Variants in TANC2 observed in about 807,000 individuals in gnomAD.
TANC2 encodes the protein tetratricopeptide repeat, ankyrin repeat and coiled-coil containing 2.
Under a neutral mutation model 210.5 loss-of-function variants are expected in TANC2, and 26 were observed. The observed-to-expected ratio is 0.12, with a 90% CI of 0.09 to 0.17. The LOEUF (loss-of-function observed/expected upper bound fraction) is 0.17. Ranked by LOEUF, TANC2 falls within the 10% of genes least tolerant of loss-of-function variation. The pLI is 1.00. For missense variants in TANC2, 2,129 were observed against 2,608.9 expected, an observed-to-expected ratio of 0.82 and a Z score of 4.01; for synonymous variants, 931 against 967.1, an observed-to-expected ratio of 0.96 and a Z score of 0.69.
At chr17:63,382,106 A>C (rs769117164) in intron 15 of TANC2, among the ~76,000 whole-genome samples, 7 of 152,184 alleles carry the variant, frequency 4.6e-5, no homozygotes, top group African/African-American at 7.2e-5. Context: ...CAAAGGGTCA[A>C]CTCCACTAAC....
At chr17:63,338,708 C>T (rs1038831354) in intron 11 of TANC2, among the ~76,000 whole-genome samples, 1 of 152,184 alleles carries the variant, frequency 6.6e-6, no homozygotes, top group African/African-American at 2.4e-5. Context: ...TTTTAAAATA[C>T]AACCTCTGAT....
At chr17:63,378,909 G>A (rs2047513858) in intron 14 of TANC2, among the ~76,000 whole-genome samples, 1 of 152,020 alleles carries the variant, frequency 6.6e-6, no homozygotes. Flanking sequence ...TTGAGTGTGA[G>A]GTACTGAGAC....
chr17:63,086,288 A>G (rs916023031), intron 3 of TANC2, among the ~76,000 whole-genome samples: 3 of 151,992 alleles, frequency 2.0e-5, no homozygotes, highest in Non-Finnish European at 4.4e-5. Flanking sequence ...ATTTGGGGAA[A>G]TCTTCAGTCA....
At chr17:63,101,221 A>G (rs1277146193) in intron 4 of TANC2, among the ~76,000 whole-genome samples, 3 of 152,176 alleles carry the variant, frequency 2.0e-5, no homozygotes, top group South Asian at 2.1e-4. Context: ...TTCTAATTAT[A>G]TCTTGTTATA....
chr17:63,310,777 G>T (rs1008521830), intron 9 of TANC2, among the ~76,000 whole-genome samples: 1 of 152,134 alleles, frequency 6.6e-6, no homozygotes, highest in African/African-American at 2.4e-5. Flanking sequence ...CAAAGATAAA[G>T]AATAATAATA....
intron 4 of TANC2, among the ~76,000 whole-genome samples, chr17:63,112,767 T>C (rs1057280358): frequency 6.6e-5 from 10 of 152,318 alleles, no homozygotes; most frequent in Non-Finnish European, 4.4e-5. Context: ...AATCCTAACA[T>C]GTGAAAAAGT....
intron 7 of TANC2, among the ~76,000 whole-genome samples, chr17:63,226,170 A>G (rs2042323697): frequency 6.6e-6 from 1 of 152,084 alleles, no homozygotes; most frequent in Admixed American, 6.5e-5. Context: ...ATTTTATTTC[A>G]TGCATTTAGA....
chr17:63,083,097 C>A (rs764393715), intron 3 of TANC2, among the ~76,000 whole-genome samples: 6 of 152,294 alleles, frequency 3.9e-5, no homozygotes, highest in Non-Finnish European at 8.8e-5. Context: ...GACAATCAGG[C>A]CCTGCTCAAA....
chr17:63,233,400 A>T (rs2042535081), intron 7 of TANC2, among the ~76,000 whole-genome samples: 1 of 152,120 alleles, frequency 6.6e-6, no homozygotes, highest in South Asian at 2.1e-4. Flanking sequence ...CCATGGAAAA[A>T]CCGTGGATCG....
chr17:62,996,206 C>G (rs1249090329), intron 1 of TANC2, among the ~76,000 whole-genome samples: 1 of 152,188 alleles, frequency 6.6e-6, no homozygotes, highest in Non-Finnish European at 1.5e-5. Flanking sequence ...GTATTCTCAT[C>G]ATTCACACTG....
intron 8 of TANC2, among the ~76,000 whole-genome samples, chr17:63,238,942 C>A (rs1158849822): frequency 6.6e-6 from 1 of 152,088 alleles, no homozygotes; most frequent in Non-Finnish European, 1.5e-5. Flanking sequence ...CCCCATGATC[C>A]AATCACCTCC....
intron 9 of TANC2, among the ~76,000 whole-genome samples, chr17:63,301,327 T>C (rs1436001745): frequency 1.3e-5 from 2 of 152,168 alleles, no homozygotes; most frequent in African/African-American, 4.8e-5. Flanking sequence ...CCTTTTCAGT[T>C]GTTTGGAATA....
intron 1 of TANC2, chr17:63,004,773 G>A: frequency 2.9e-6 from 1 of 342,076 alleles, no homozygotes; most frequent in Non-Finnish European, 5.7e-6. Flanking sequence ...TCCATTTTCT[G>A]CAGGGTTATT....
chr17:63,164,772 C>T (rs2040152749), intron 5 of TANC2, among the ~76,000 whole-genome samples: 1 of 152,138 alleles, frequency 6.6e-6, no homozygotes, highest in African/African-American at 2.4e-5. Flanking sequence ...ACAGCTCAAG[C>T]AGAGAAAGCA....
At chr17:63,166,324 AGAGAG>A (rs2040209113) in intron 5 of TANC2, among the ~76,000 whole-genome samples, 1 of 152,126 alleles carries the variant, frequency 6.6e-6, no homozygotes, top group Non-Finnish European at 1.5e-5. Context: ...AGAGAGAGAG[AGAGAG>A]ATAGAGATTG....
exon 22 of TANC2, chr17:63,411,619 C>A (rs1387995348): frequency 6.2e-7 from 1 of 1,614,016 alleles, no homozygotes; most frequent in South Asian, 1.1e-5. Flanking sequence ...GGAGCTGCCA[C>A]AGACCATGCT....
At chr17:63,256,370 G>A (rs1321690548) in intron 8 of TANC2, among the ~76,000 whole-genome samples, 1 of 152,136 alleles carries the variant, frequency 6.6e-6, no homozygotes, top group Non-Finnish European at 1.5e-5. Flanking sequence ...CTGATCATGA[G>A]GAGCATATTG....
chr17:63,356,091 A>ACC (rs1178499846), intron 14 of TANC2, among the ~76,000 whole-genome samples: 1 of 151,954 alleles, frequency 6.6e-6, no homozygotes, highest in Non-Finnish European at 1.5e-5. Flanking sequence ...ACCACTCCCC[A>ACC]CCCCACACGC....
At chr17:63,203,389 G>A (rs1220423652) in intron 7 of TANC2, among the ~76,000 whole-genome samples, 1 of 152,070 alleles carries the variant, frequency 6.6e-6, no homozygotes, top group East Asian at 1.9e-4. Context: ...CTCGGTTACA[G>A]GATACTATTC....
Sources: gnomAD v4.1 joint callset for allele counts (sites outside exome capture counted in the v4.1 genomes callset) on GRCh38, gnomAD v4.1.1 for gene constraint, MANE v1.5 for transcripts, NCBI Gene and HGNC (gene_info 2026-07-23, HGNC 2026-07-21) for gene names.